PATJ: variants seen among roughly 807,000 people sequenced by gnomAD.
The protein encoded by PATJ is inaD-like protein.
In PATJ, 190 loss-of-function variants were observed where a neutral mutation model predicts 224.9. The observed-to-expected ratio is 0.84, with a 90% confidence interval of 0.75 to 0.95. The LOEUF is 0.95. Ranked by LOEUF, PATJ falls within the 40% of genes least tolerant of loss-of-function variation. The probability of loss-of-function intolerance (pLI) is 0.00; values close to 1 mark genes in which losing one functional copy is unlikely to be tolerated. For missense variants in PATJ, 2,121 were observed against 2,270.3 expected (o/e 0.93, Z 1.34); for synonymous variants, 769 against 820.3 (o/e 0.94, Z 1.07).
At chr1:61,799,023 C>T (rs1352145752) in intron 11 of PATJ, among the ~76,000 whole-genome samples, 1 of 151,984 alleles carries the variant, frequency 6.6e-6, no homozygotes, top group Non-Finnish European at 1.5e-5. Context: ...TGCTTTCAGC[C>T]GATAGTGATT....
In PATJ at chr1:61,940,464, C is replaced by T. The variant is rs1027811755; in HGVS notation, c.3670+12635C>T. 1.4e-4 allele frequency among the ~76,000 whole-genome samples: 22 copies of T among 152,156 alleles called. No individual in the cohort carries two copies. In the East Asian group the frequency reaches 3.9e-3, roughly 27 times the overall value. Reference sequence around the variant, plus strand: ...GGGCGCAGTGGTTCACGCCAGTAATCCCAGCACTTTGGGAGGCCGAGATGG... The same window carrying T: ...GGGCGCAGTGGTTCACGCCAGTAATTCCAGCACTTTGGGAGGCCGAGATGG... On this transcript the variant is annotated intron_variant, in intron 27 of 43. Coordinates refer to ENST00000642238, the MANE Select transcript of PATJ (RefSeq NM_001350145.3).
At chr1:61,983,455 C>G (rs1326814009) in intron 27 of PATJ, among the ~76,000 whole-genome samples, 1 of 152,010 alleles carries the variant, frequency 6.6e-6, no homozygotes, top group African/African-American at 2.4e-5. Flanking sequence ...TCTAGTACTA[C>G]TAATGGATTT....
chr1:61,900,881 G>A (rs1256865921), intron 23 of PATJ, among the ~76,000 whole-genome samples: 3 of 152,148 alleles, frequency 2.0e-5, no homozygotes, highest in South Asian at 4.1e-4. Flanking sequence ...GAGCCACCGC[G>A]CCAAGCCATA....
chr1:61,871,435 G>GCGTATATATA (rs1666442290), intron 20 of PATJ, among the ~76,000 whole-genome samples: 1 of 72,168 alleles, frequency 1.4e-5, no homozygotes, highest in African/African-American at 5.3e-5. Context: ...ACATATATAT[G>GCGTATATATA]TGTATATACA....
chr1:62,023,887 T>G (rs191617661), intron 29 of PATJ, among the ~76,000 whole-genome samples: 1 of 152,314 alleles, frequency 6.6e-6, no homozygotes, highest in Admixed American at 6.5e-5. Flanking sequence ...CATAGTCTGT[T>G]GAGGGTTTTT....
At chr1:61,874,132 C>G (rs1173071501) in intron 20 of PATJ, among the ~76,000 whole-genome samples, 1 of 152,062 alleles carries the variant, frequency 6.6e-6, no homozygotes, top group African/African-American at 2.4e-5. Context: ...TAGCTGTGTC[C>G]TCACAGGGTG....
At chr1:61,929,492 G>C (rs11207867) in intron 27 of PATJ, among the ~76,000 whole-genome samples, 5,396 of 152,184 alleles carry the variant, frequency 0.035, 368 homozygotes, top group African/African-American at 0.12. Context: ...TAAATGCTCT[G>C]GTTTACCATG....
intron 26 of PATJ, among the ~76,000 whole-genome samples, chr1:61,915,736 C>T (rs1311263620): frequency 1.3e-5 from 2 of 148,698 alleles, no homozygotes; most frequent in African/African-American, 5.0e-5. Context: ...CTTGCTCAGT[C>T]GCCAGGCCAG....
intron 26 of PATJ, among the ~76,000 whole-genome samples, chr1:61,921,582 G>C (rs1280617328): frequency 6.6e-6 from 1 of 152,124 alleles, no homozygotes; most frequent in Non-Finnish European, 1.5e-5. Context: ...TATTTTCAGG[G>C]ATAGGAATTT....
intron 31 of PATJ, among the ~76,000 whole-genome samples, chr1:62,065,505 G>T (rs1377135497): frequency 6.6e-6 from 1 of 152,078 alleles, no homozygotes; most frequent in Non-Finnish European, 1.5e-5. Context: ...CCAGCTACTC[G>T]AGAGGCTGAG....
chr1:61,745,007 A>C (rs1212065916), intron 1 of PATJ, among the ~76,000 whole-genome samples: 2 of 152,200 alleles, frequency 1.3e-5, no homozygotes, highest in Admixed American at 6.5e-5. Flanking sequence ...AGGTATGAGA[A>C]GGGGCATGCC....
At chr1:62,111,364 A>C (rs1041634016) in intron 34 of PATJ, among the ~76,000 whole-genome samples, 5 of 152,218 alleles carry the variant, frequency 3.3e-5, no homozygotes, top group African/African-American at 1.2e-4. Context: ...TCATTGGCCT[A>C]AAGTAGCAGT....
At chr1:61,798,831 C>T (rs1391043983) in intron 11 of PATJ, among the ~76,000 whole-genome samples, 2 of 151,756 alleles carry the variant, frequency 1.3e-5, no homozygotes, top group Non-Finnish European at 2.9e-5. Flanking sequence ...TTTGAGGCTT[C>T]AGTGAGCATG....
Position 62,161,045 on chromosome 1 carries a change from G to C in PATJ, c.5640G>C (p.Val1880=). The C allele has an allele frequency of 2.6e-6, 4 of 1,547,682 alleles. No individual in the cohort carries two copies. The highest frequency in any genetic ancestry group is 3.5e-6 in the Non-Finnish European group (4 of 1,148,174). ...KHQRGTVTLT[V]LS ...AGAGAGGGACTGTAACCTTAACTGT[G>C]CTGTCATGAGCCTCGGGCCTGATCA... The change falls in exon 44 of 44, where the codon GTG becomes GTC. Residue 1880 remains valine, a synonymous_variant. Transcript: ENST00000642238.
intron 33 of PATJ, among the ~76,000 whole-genome samples, chr1:62,103,063 C>T (rs1359845827): frequency 1.3e-5 from 2 of 152,204 alleles, no homozygotes; most frequent in East Asian, 3.9e-4. Context: ...TTTTTGTTCA[C>T]TCTCTGTAAA....
intron 28 of PATJ, among the ~76,000 whole-genome samples, chr1:61,994,219 T>C (rs1038548616): frequency 6.6e-6 from 1 of 152,272 alleles, no homozygotes; most frequent in Non-Finnish European, 1.5e-5. Flanking sequence ...AGGTGCTGTA[T>C]GAACAAAGTG....
intron 17 of PATJ, among the ~76,000 whole-genome samples, chr1:61,840,044 A>T (rs949222390): frequency 6.6e-6 from 1 of 152,076 alleles, no homozygotes; most frequent in Non-Finnish European, 1.5e-5. Context: ...ACAGTTATTA[A>T]TTTTTCTTAA....
intron 41 of PATJ, among the ~76,000 whole-genome samples, chr1:62,139,399 CAAAAAAAAAAAAAAAAA>C (rs4019658): frequency 1.1e-5 from 1 of 94,894 alleles, no homozygotes. Flanking sequence ...GACTCCATCT[CAAAAAAAAAAAAAAAAA>C]AAAAAAAAAA....
At chr1:61,836,538 T>G (rs1451323474) in intron 17 of PATJ, among the ~76,000 whole-genome samples, 2 of 152,246 alleles carry the variant, frequency 1.3e-5, no homozygotes, top group Non-Finnish European at 2.9e-5. Context: ...GATGCTTTTC[T>G]TAAGTCAGTC....
Sources: gnomAD v4.1 joint callset for allele counts (sites outside exome capture counted in the v4.1 genomes callset) on GRCh38, gnomAD v4.1.1 for gene constraint, MANE v1.5 for transcripts, NCBI Gene and HGNC (gene_info 2026-07-23, HGNC 2026-07-21) for gene names.